SCAF8: variants seen among roughly 807,000 people sequenced by gnomAD.
SCAF8 encodes the protein SR-related and CTD-associated factor 8.
A neutral mutation model predicts 140.5 loss-of-function variants in SCAF8; 23 were observed. The ratio of observed to expected loss-of-function variants is 0.16; its 90% CI spans 0.12 to 0.23. The LOEUF (loss-of-function observed/expected upper bound fraction) is 0.23, where lower values mean the gene tolerates loss of function less well. Among genes scored for constraint, SCAF8 ranks in the 10% least tolerant of loss-of-function variants. The probability of loss-of-function intolerance (pLI) is 1.00; values close to 1 mark genes in which losing one functional copy is unlikely to be tolerated. For synonymous variants in SCAF8, 575 were observed against 528.9 expected (o/e 1.09, Z -1.20); for missense variants, 1,397 against 1,555.7 (o/e 0.90, Z 1.72).
At position 154,733,586 on chromosome 6, in the gene SCAF8, G is replaced by C; in HGVS notation, c.-315G>C. ...GGGCTAGAGGGAGGGGGACCGAAACGGAGCGGGGCAGAGAAGAGAAGGCGC... is the reference window on the plus strand; with the variant it reads ...GGGCTAGAGGGAGGGGGACCGAAACCGAGCGGGGCAGAGAAGAGAAGGCGC... On this transcript the variant is annotated 5_prime_UTR_variant, in exon 1 of 20. Coordinates refer to ENST00000367178, the MANE Select transcript of SCAF8 (RefSeq NM_014892.5). The C allele has an allele frequency of 7.8e-7, 1 of 1,280,612 alleles. No homozygotes were observed. Among genetic ancestry groups the C allele is most frequent in the Non-Finnish European group, 9.8e-7 (1 of 1,016,346 alleles). 79.3% of individuals were successfully genotyped at this position (1,280,612 alleles called of 1,614,324 possible).
At chr6:154,735,521 T>TC (rs1306623061) in intron 1 of SCAF8, among the ~76,000 whole-genome samples, 1 of 147,754 alleles carries the variant, frequency 6.8e-6, no homozygotes, top group Non-Finnish European at 1.5e-5. Context: ...GGAATCTTCT[T>TC]TTTTTTTTTT....
rs911191 is a variant in SCAF8, at chr6:154,831,177, C to T, written c.2359+37C>T. 32 of 1,313,782 alleles carry T rather than the reference C, an allele frequency of 2.4e-5. No homozygotes were observed. The Middle Eastern group carries it at 7.6e-4, about 31-fold the overall frequency. 81.4% of individuals were successfully genotyped at this position (1,313,782 alleles called of 1,614,324 possible). A position where few individuals can be genotyped will look rare whatever the true frequency, so the allele number is the denominator to read the frequency against. ...TAATAAAATTTAAAAAAAGAGGTTG[C>T]CTCTCTGTATTTGGTGTTTAATTCT... On this transcript the variant is annotated intron_variant, in intron 19 of 19. Coordinates refer to ENST00000367178, the MANE Select transcript of SCAF8 (RefSeq NM_014892.5).
chr6:154,832,702 G>T lies in SCAF8; in HGVS notation c.3123G>T (p.Arg1041=), dbSNP rs762357717. 56 of 1,613,812 alleles carry T rather than the reference G, an allele frequency of 3.5e-5. No homozygotes were observed. The highest frequency in any genetic ancestry group is 4.5e-5 in the Non-Finnish European group (53 of 1,179,968). ...PPVDVRDVVG[R]PIDPREGPGR... ...TGGATGTTAGAGATGTGGTTGGGCG[G>T]CCTATAGATCCAAGAGAAGGTCCTG... Residue 1041 remains arginine, a synonymous_variant, in exon 20 of 20, where the codon CGG becomes CGT. Transcript: ENST00000367178.
chr6:154,830,395 G>A (rs1158393425), intron 18 of SCAF8, among the ~76,000 whole-genome samples: 2 of 152,120 alleles, frequency 1.3e-5, no homozygotes, highest in Non-Finnish European at 2.9e-5. Context: ...TGCACTTAGG[G>A]ATATTTATAC....
chr6:154,752,468 A>C (rs939999998), intron 1 of SCAF8, among the ~76,000 whole-genome samples: 1 of 152,124 alleles, frequency 6.6e-6, no homozygotes, highest in African/African-American at 2.4e-5. Flanking sequence ...TTATTCTTCT[A>C]CTAGGGGATA....
At chr6:154,818,973 A>G in intron 14 of SCAF8, among the ~76,000 whole-genome samples, 1 of 152,066 alleles carries the variant, frequency 6.6e-6, no homozygotes, top group East Asian at 1.9e-4. Flanking sequence ...CCTTCTAATT[A>G]TATTATTGAT....
chr6:154,745,011 A>C (rs1007007336), intron 1 of SCAF8, among the ~76,000 whole-genome samples: 11 of 152,218 alleles, frequency 7.2e-5, no homozygotes, highest in Non-Finnish European at 1.5e-4. Context: ...AAAATCAAGA[A>C]ACTAACTTGG....
chr6:154,743,343 A>G (rs919234065), intron 1 of SCAF8, among the ~76,000 whole-genome samples: 1 of 152,222 alleles, frequency 6.6e-6, no homozygotes, highest in African/African-American at 2.4e-5. Flanking sequence ...TTGGAATCTT[A>G]ACTATTTCTT....
rs754669290 is a variant in SCAF8, at chr6:154,733,948, G to A, written c.30+18G>A. On this transcript the variant is annotated intron_variant, in intron 1 of 19. Coordinates refer to ENST00000367178, the MANE Select transcript of SCAF8 (RefSeq NM_014892.5). ...ATAGCGAGGTTGGTATGGCAGCCGG[G>A]TTCCCCTGCTCCTGCCCGCACCGCC... is the stretch of plus-strand genomic sequence containing the variant. The A allele has an allele frequency of 1.0e-5, 16 of 1,528,568 alleles. No individual in the cohort carries two copies. The Admixed American group carries it at 3.8e-4, about 36-fold the overall frequency. 94.7% of individuals were successfully genotyped at this position (1,528,568 alleles called of 1,614,324 possible). A position where few individuals can be genotyped will look rare whatever the true frequency, so the allele number is the denominator to read the frequency against.
chr6:154,773,844 C>T (rs1362185529), intron 1 of SCAF8, 145 bp from the exon 2 acceptor site: 1 of 624,000 alleles, frequency 1.6e-6, no homozygotes. Flanking sequence ...TTGCATTTGC[C>T]TTATGGGCAG....
chr6:154,783,392 A>G (rs978560327), intron 3 of SCAF8, among the ~76,000 whole-genome samples: 4 of 152,232 alleles, frequency 2.6e-5, no homozygotes, highest in African/African-American at 9.6e-5. Flanking sequence ...CGGTGAGGTC[A>G]GGAATAAATT....
chr6:154,804,721 G>A (rs1374943246), intron 8 of SCAF8, among the ~76,000 whole-genome samples: 2 of 152,048 alleles, frequency 1.3e-5, no homozygotes, highest in Non-Finnish European at 2.9e-5. Context: ...ACTGTTTCAA[G>A]ACTTCTCACC....
rs376253492 is a variant in SCAF8, at chr6:154,821,341, G to A, written c.1793-935G>A. The stretch of plus-strand genomic sequence containing the variant: ...CCATGCTCACTTGTTTTCCTATTCT[G>A]TTTTACTTTTTTTTTTTTGCAATAA... On this transcript the variant is annotated intron_variant, in intron 15 of 19. Transcript: ENST00000367178. Among the ~76,000 whole-genome samples the A allele has an allele frequency of 2.0e-5, 3 of 150,132 alleles. No homozygotes were observed. The South Asian group carries it at 6.3e-4, about 31-fold the overall frequency.
At chr6:154,733,996 G>T in intron 1 of SCAF8, 66 bp downstream of exon 1, 1 of 1,453,152 alleles carries the variant, frequency 6.9e-7, no homozygotes, top group South Asian at 1.5e-5. Flanking sequence ...CGAGGCCGGG[G>T]CCCGGAGGGT....
rs367760986 is a variant in SCAF8, at chr6:154,827,101, C to A, written c.2072-71C>A. On this transcript the variant is annotated intron_variant, in intron 17 of 19. Coordinates refer to ENST00000367178, the MANE Select transcript of SCAF8 (RefSeq NM_014892.5). Reference sequence around the variant, plus strand: ...TAAGAATATGAAGTTTCATTTGTAGCTGTTGGAATCTTTGATTTAAAATAA... The same window carrying A: ...TAAGAATATGAAGTTTCATTTGTAGATGTTGGAATCTTTGATTTAAAATAA... 70 of 1,180,026 alleles carry A rather than the reference C, an allele frequency of 5.9e-5. 1 individual carries two copies. The South Asian group carries it at 8.1e-4, about 14-fold the overall frequency. The allele number at this position is 1,180,026 out of a possible 1,614,324, so 73.1% of individuals were successfully genotyped here.
At chr6:154,754,331 A>G (rs1434299592) in intron 1 of SCAF8, among the ~76,000 whole-genome samples, 1 of 152,198 alleles carries the variant, frequency 6.6e-6, no homozygotes, top group African/African-American at 2.4e-5. Flanking sequence ...CGTTGGTGCT[A>G]CTAAATGGTG....
chr6:154,738,905 T>G (rs187139069), intron 1 of SCAF8, among the ~76,000 whole-genome samples: 1 of 152,356 alleles, frequency 6.6e-6, no homozygotes, highest in East Asian at 1.9e-4. Flanking sequence ...CCTTTTTTGT[T>G]TCTTTGAAAA....
intron 12 of SCAF8, among the ~76,000 whole-genome samples, chr6:154,811,969 T>C (rs1778105068): frequency 6.6e-6 from 1 of 152,190 alleles, no homozygotes; most frequent in African/African-American, 2.4e-5. Context: ...TCCAAATCTT[T>C]GCTACTGTGA....
At chr6:154,764,078 G>C (rs567959188) in intron 1 of SCAF8, among the ~76,000 whole-genome samples, 43 of 152,260 alleles carry the variant, frequency 2.8e-4, no homozygotes, top group African/African-American at 9.4e-4. Flanking sequence ...AAACCTCGAG[G>C]AATTAGAAAT....
Sources: gnomAD v4.1 joint callset for allele counts (sites outside exome capture counted in the v4.1 genomes callset) on GRCh38, gnomAD v4.1.1 for gene constraint, MANE v1.5 for transcripts, NCBI Gene and HGNC (gene_info 2026-07-23, HGNC 2026-07-21) for gene names.